Variants in MGRN1 observed in about 807,000 individuals in gnomAD.
The protein encoded by MGRN1 is E3 ubiquitin-protein ligase MGRN1.
In MGRN1, 29 loss-of-function variants were observed where a neutral mutation model predicts 69.2. The ratio of observed to expected loss-of-function variants is 0.42; its 90% confidence interval spans 0.31 to 0.57. The LOEUF is 0.57. MGRN1 is among the 20% of genes least tolerant of loss of function. The pLI, the probability that MGRN1 is intolerant of heterozygous loss-of-function variation, is 0.15. For missense variants in MGRN1, 998 were observed against 796.2 expected (o/e 1.25, Z -3.05); for synonymous variants, 470 against 344.2 (o/e 1.37, Z -4.04).
At chr16:4,661,386 C>A (rs549945940) in intron 5 of MGRN1, among the ~76,000 whole-genome samples, 3 of 152,232 alleles carry the variant, frequency 2.0e-5, no homozygotes, top group African/African-American at 7.2e-5. Flanking sequence ...CCCTCCAGCC[C>A]TCTCCCGGAG....
intron 1 of MGRN1, among the ~76,000 whole-genome samples, chr16:4,626,525 G>A (rs9937763): frequency 0.07 from 10,647 of 152,210 alleles, 1,000 homozygotes; most frequent in African/African-American, 0.22. Flanking sequence ...ACCACACCTG[G>A]CTCAGAAGTC....
At chr16:4,687,759 C>A in intron 16 of MGRN1, 9 of 985,404 alleles carry the variant, frequency 9.1e-6, no homozygotes, top group Non-Finnish European at 1.1e-5. Context: ...GGTGCCTGGC[C>A]GGGGGTGCAG....
Position 4,689,163 on chromosome 16 carries a change from T to G in MGRN1, c.*255T>G. 20 of 448,558 alleles carry G rather than the reference T, an allele frequency of 4.5e-5. No individual in the cohort carries two copies. Among genetic ancestry groups the G allele is most frequent in the Non-Finnish European group, 5.7e-5 (15 of 264,212 alleles). 27.8% of individuals were successfully genotyped at this position (448,558 alleles called of 1,614,324 possible). ...TTCCATCCCTAGTTCAGAGCCCCCG[T>G]TCCCCAGGGTCCTGTGGGCTGAGCG... is the stretch of plus-strand genomic sequence containing the variant. On this transcript the variant is annotated 3_prime_UTR_variant, in exon 17 of 17. Coordinates refer to ENST00000262370, the MANE Select transcript of MGRN1 (RefSeq NM_015246.4).
rs183807327 is a variant in MGRN1 at position 4,638,999 on chromosome 16, C to T, written c.89-11366C>T. On this transcript the variant is annotated intron_variant, in intron 1 of 16. Transcript: ENST00000262370. ...TGACAGTGCAGGCTCTGGAGTCTGC[C>T]CAGGGGTCCCAGTGAGAATGTCTCT... Among the ~76,000 whole-genome samples, 78 of 152,132 alleles carry T rather than the reference C, an allele frequency of 5.1e-4. 1 individual carries two copies. Among genetic ancestry groups the T allele is most frequent in the African/African-American group, 1.6e-3 (66 of 41,498 alleles).
rs2079406569 is a variant in MGRN1, at chr16:4,689,336, G to A, written c.*428G>A. 6.2e-6 allele frequency: 1 copy of A among 161,628 alleles called. No homozygotes were observed. Among genetic ancestry groups the A allele is most frequent in the African/African-American group, 2.4e-5 (1 of 41,858 alleles). 10.0% of individuals were successfully genotyped at this position (161,628 alleles called of 1,614,324 possible). A position where few individuals can be genotyped will look rare whatever the true frequency, so the allele number is the denominator to read the frequency against. Reference sequence around the variant, plus strand: ...ATCTTCACAGATGTTCAGGGGCAGTGGGGGGCTCCAGGCACGGTCAATGAA... The same window carrying A: ...ATCTTCACAGATGTTCAGGGGCAGTAGGGGGCTCCAGGCACGGTCAATGAA... On this transcript the variant is annotated 3_prime_UTR_variant, in exon 17 of 17. Transcript: ENST00000262370.
chr16:4,673,457 C>A lies in MGRN1; in HGVS notation c.796-41C>A, dbSNP rs1172417479. The A allele has an allele frequency of 6.9e-6, 11 of 1,600,630 alleles. No homozygotes were observed. The East Asian group carries it at 2.5e-4, about 36-fold the overall frequency. ...ACAGGAAGCAGGAGCCGTACTCTGGCCTTTGGGAGGCTGCTGACCCACAAG... is the reference window on the plus strand; with the variant it reads ...ACAGGAAGCAGGAGCCGTACTCTGGACTTTGGGAGGCTGCTGACCCACAAG... On this transcript the variant is annotated intron_variant, in intron 9 of 16. Coordinates refer to ENST00000262370, the MANE Select transcript of MGRN1 (RefSeq NM_015246.4).
chr16:4,635,711 T>C (rs966336448), intron 1 of MGRN1, among the ~76,000 whole-genome samples: 1 of 151,600 alleles, frequency 6.6e-6, no homozygotes, highest in Non-Finnish European at 1.5e-5. Flanking sequence ...ATTGGCTCAC[T>C]GCAACCTCCA....
At chr16:4,682,043 C>T (rs1057255823) in intron 13 of MGRN1, among the ~76,000 whole-genome samples, 13 of 152,214 alleles carry the variant, frequency 8.5e-5, no homozygotes, top group Admixed American at 5.2e-4. Flanking sequence ...TACGTGCTCT[C>T]GAGCAGGAAA....
intron 1 of MGRN1, among the ~76,000 whole-genome samples, chr16:4,636,054 G>A (rs982138167): frequency 9.2e-5 from 14 of 151,520 alleles, no homozygotes; most frequent in African/African-American, 2.9e-4. Context: ...CACCTGCCTC[G>A]GCCTCTGCAA....
At chr16:4,660,332 G>A (rs1200193886) in intron 5 of MGRN1, among the ~76,000 whole-genome samples, 1 of 152,252 alleles carries the variant, frequency 6.6e-6, no homozygotes, top group Non-Finnish European at 1.5e-5. Flanking sequence ...AGCATGCAAA[G>A]GGCTTTACCT....
At chr16:4,667,779 C>T (rs778635707) in intron 7 of MGRN1, among the ~76,000 whole-genome samples, 19 of 152,202 alleles carry the variant, frequency 1.2e-4, no homozygotes, top group Admixed American at 5.2e-4. Context: ...TTCGTTCCTG[C>T]GTTTTTAGAG....
At chr16:4,666,432 A>G (rs1275544200) in intron 7 of MGRN1, among the ~76,000 whole-genome samples, 1 of 152,198 alleles carries the variant, frequency 6.6e-6, no homozygotes, top group Non-Finnish European at 1.5e-5. Context: ...GTACCTGGCC[A>G]AGAGGCTTTT....
chr16:4,626,816 G>A (rs893739520), intron 1 of MGRN1, among the ~76,000 whole-genome samples: 13 of 152,300 alleles, frequency 8.5e-5, no homozygotes, highest in Admixed American at 2.6e-4. Flanking sequence ...GAACACTCGC[G>A]TCAGCCACTA....
intron 10 of MGRN1, among the ~76,000 whole-genome samples, chr16:4,674,626 C>CTTTTTTTTTTTTTTTTTT (rs71139654): frequency 2.7e-4 from 13 of 47,278 alleles, no homozygotes; most frequent in African/African-American, 5.4e-4. Context: ...CTTTTCTTTT[C>CTTTTTTTTTTTTTTTTTT]TTTTTTTTTT....
At chr16:4,685,625 G>A (rs1307118650) in intron 16 of MGRN1, among the ~76,000 whole-genome samples, 1 of 152,240 alleles carries the variant, frequency 6.6e-6, no homozygotes, top group Non-Finnish European at 1.5e-5. Flanking sequence ...GCCTTTGGGG[G>A]CTGTTTGGCG....
At chr16:4,688,734 G>C in intron 16 of MGRN1, 62 bp from the exon 17 acceptor site, 1 of 1,498,764 alleles carries the variant, frequency 6.7e-7, no homozygotes, top group South Asian at 1.3e-5. Context: ...AGATCGGTAG[G>C]AGCGGGTGGC....
At chr16:4,663,365 GT>G (rs1183914569) in intron 5 of MGRN1, among the ~76,000 whole-genome samples, 88 of 61,820 alleles carry the variant, frequency 1.4e-3, no homozygotes, top group African/African-American at 4.3e-3. Context: ...ACCTGGCCTT[GT>G]TTTTTTTTTT....
chr16:4,628,303 A>T (rs766662539), intron 1 of MGRN1, among the ~76,000 whole-genome samples: 1 of 147,370 alleles, frequency 6.8e-6, no homozygotes, highest in African/African-American at 2.5e-5. Flanking sequence ...GGAGAATGGC[A>T]TGAACCCGGG....
intron 9 of MGRN1, among the ~76,000 whole-genome samples, chr16:4,672,929 C>T (rs1024737894): frequency 2.6e-5 from 4 of 152,350 alleles, no homozygotes; most frequent in African/African-American, 9.6e-5. Flanking sequence ...AGCTCCGCCT[C>T]CTGGGTTCAC....
Sources: gnomAD v4.1 joint callset for allele counts (sites outside exome capture counted in the v4.1 genomes callset) on GRCh38, gnomAD v4.1.1 for gene constraint, MANE v1.5 for transcripts, NCBI Gene and HGNC (gene_info 2026-07-23, HGNC 2026-07-21) for gene names.